The following FSTL4 variants were observed in gnomAD, a reference collection of about 807,000 sequenced individuals.
FSTL4 encodes the protein follistatin like 4.
In FSTL4, 28 loss-of-function variants were observed where a neutral mutation model predicts 78.2. The ratio of observed to expected loss-of-function variants is 0.36; its 90% CI spans 0.27 to 0.49. The LOEUF is 0.49. Ranked by LOEUF, FSTL4 falls within the 20% of genes least tolerant of loss-of-function variation. The pLI, the probability that FSTL4 is intolerant of heterozygous loss-of-function variation, is 0.98. For synonymous variants in FSTL4, 422 were observed against 440.5 expected (o/e 0.96, Z 0.53); for missense variants, 922 against 1,084.9 (o/e 0.85, Z 2.11).
the FSTL4 span, among the ~76,000 whole-genome samples, chr5:133,622,943 C>T: frequency 6.6e-6 from 1 of 152,112 alleles, no homozygotes; most frequent in South Asian, 2.1e-4. Flanking sequence ...TTTTGTGGGT[C>T]TTGCTTTTGG....
chr5:133,672,622 C>T, the FSTL4 span, among the ~76,000 whole-genome samples: 3 of 152,296 alleles, frequency 2.0e-5, no homozygotes, highest in Admixed American at 6.5e-5. Flanking sequence ...CAAATCAATG[C>T]AATTGAGACA....
intron 4 of FSTL4, among the ~76,000 whole-genome samples, chr5:133,335,158 C>G (rs143377710): frequency 1.3e-5 from 2 of 152,280 alleles, no homozygotes; most frequent in Non-Finnish European, 2.9e-5. Context: ...TCAGAGGTAT[C>G]GGTATGGAGG....
At chr5:133,257,806 T>C (rs1752419403) in intron 6 of FSTL4, among the ~76,000 whole-genome samples, 1 of 152,178 alleles carries the variant, frequency 6.6e-6, no homozygotes, top group Non-Finnish European at 1.5e-5. Flanking sequence ...GGCCACTCTA[T>C]GGGTCTCTCC....
At chr5:133,305,761 T>C (rs1753641920) in intron 6 of FSTL4, among the ~76,000 whole-genome samples, 1 of 151,836 alleles carries the variant, frequency 6.6e-6, no homozygotes, top group Admixed American at 6.5e-5. Context: ...GTTCTCCTCC[T>C]CTTATGCTTC....
the FSTL4 span, among the ~76,000 whole-genome samples, chr5:133,701,510 C>CA: frequency 1.7e-3 from 82 of 48,430 alleles, 2 homozygotes; most frequent in East Asian, 0.031. Flanking sequence ...CACACACACA[C>CA]CCCACAGGCC....
chr5:133,633,808 C>T, the FSTL4 span, among the ~76,000 whole-genome samples: 4 of 151,870 alleles, frequency 2.6e-5, no homozygotes, highest in Admixed American at 2.0e-4. Context: ...TCTGTTACTC[C>T]CCAGTGGGTA....
the FSTL4 span, among the ~76,000 whole-genome samples, chr5:133,719,672 T>TAAAA: frequency 2.0e-5 from 2 of 102,074 alleles, no homozygotes; most frequent in East Asian, 2.8e-4. Context: ...AAACTCCATC[T>TAAAA]AAAAAAAAAA....
In FSTL4 at chr5:133,550,580, G is replaced by T. The variant is rs151212381; in HGVS notation, c.160+16606C>A. Among the ~76,000 whole-genome samples, 60 of 152,260 alleles carry T rather than the reference G, an allele frequency of 3.9e-4. 1 individual carries two copies. The East Asian group carries it at 6.9e-3, about 18-fold the overall frequency. The stretch of plus-strand genomic sequence containing the variant: ...AGTGCTATGCTAAGCTTTTTAATAT[G>T]CATTTAATCCATACAACTGCCATAG... On this transcript the variant is annotated intron_variant, in intron 3 of 15. Transcript: ENST00000265342.
chr5:133,225,651 T>C lies in FSTL4; in HGVS notation c.1177+7A>G, dbSNP rs191719813. On this transcript the variant is annotated splice_region_variant and intron_variant, in intron 9 of 15. Transcript: ENST00000265342. The surrounding 1 kb of genome is among the most constrained non-coding windows in gnomAD (Gnocchi z 4.6). ...TCGCATAGACGTCTACCAAGGGCAG[T>C]TCTTACCTAAAAGGGAGAGCTGTTT... 3.7e-4 allele frequency: 578 copies of C among 1,576,548 alleles called. 4 individuals carry two copies. Among genetic ancestry groups the C allele is most frequent in the South Asian group, 1.6e-3 (132 of 84,020 alleles).
chr5:133,454,972 C>A (rs1237554811), intron 3 of FSTL4, among the ~76,000 whole-genome samples: 3 of 152,220 alleles, frequency 2.0e-5, no homozygotes, highest in Non-Finnish European at 4.4e-5. Flanking sequence ...GAGGGCAGGG[C>A]CTTGTCTTGT....
At chr5:133,811,262 TC>T in the FSTL4 span, among the ~76,000 whole-genome samples, 35 of 152,080 alleles carry the variant, frequency 2.3e-4, no homozygotes, top group Non-Finnish European at 4.0e-4. Context: ...CTTCACCACT[TC>T]CCCCGAGCAC....
At chr5:133,816,980 T>A in the FSTL4 span, among the ~76,000 whole-genome samples, 1 of 152,142 alleles carries the variant, frequency 6.6e-6, no homozygotes, top group Non-Finnish European at 1.5e-5. Context: ...AAGCCTCCCA[T>A]GGCTCCTTGC....
the FSTL4 span, among the ~76,000 whole-genome samples, chr5:133,704,700 C>T: frequency 4.6e-5 from 7 of 152,226 alleles, no homozygotes; most frequent in East Asian, 1.9e-4. Context: ...CTGTCAGCAG[C>T]GTGGGCTTCA....
the FSTL4 span, among the ~76,000 whole-genome samples, chr5:133,803,435 A>T: frequency 6.6e-6 from 1 of 152,278 alleles, no homozygotes; most frequent in South Asian, 2.1e-4. Flanking sequence ...ACCCCCAGGG[A>T]TATACCTCCC....
At chr5:133,572,890 G>A (rs1317622396) in intron 2 of FSTL4, among the ~76,000 whole-genome samples, 1 of 152,114 alleles carries the variant, frequency 6.6e-6, no homozygotes, top group Non-Finnish European at 1.5e-5. Flanking sequence ...ATAGAACAGA[G>A]AAAACATGGG....
At chr5:133,432,395 G>T (rs1335834777) in intron 3 of FSTL4, among the ~76,000 whole-genome samples, 1 of 152,158 alleles carries the variant, frequency 6.6e-6, no homozygotes, top group African/African-American at 2.4e-5. Flanking sequence ...ACAATAACCT[G>T]CAAAGGAAAT....
the FSTL4 span, among the ~76,000 whole-genome samples, chr5:133,677,034 T>C: frequency 1.3e-5 from 2 of 152,334 alleles, no homozygotes; most frequent in African/African-American, 2.4e-5. Context: ...ATGCATGTAA[T>C]AGACGAAAAT....
At chr5:133,324,786 GCC>G (rs1754166277) in intron 4 of FSTL4, among the ~76,000 whole-genome samples, 2 of 152,368 alleles carry the variant, frequency 1.3e-5, no homozygotes, top group East Asian at 3.9e-4. Context: ...GACAATCCCA[GCC>G]ACCCTGCACC....
chr5:133,458,186 G>C (rs72787322), intron 3 of FSTL4: 1 of 152,034 alleles, frequency 6.6e-6, no homozygotes, highest in Non-Finnish European at 1.5e-5. Context: ...TACACATTCC[G>C]CCCACAGAAA....
Sources: allele counts gnomAD v4.1 joint callset (sites outside exome capture counted in the v4.1 genomes callset), GRCh38; gene constraint gnomAD v4.1.1; non-coding constraint Gnocchi (gnomAD v3.1); transcripts MANE v1.5; gene names NCBI Gene and HGNC (gene_info 2026-07-23, HGNC 2026-07-21).